Variants in ZNF549 observed in about 807,000 individuals in gnomAD.
ZNF549 encodes zinc finger protein 549.
A neutral mutation model predicts 11.1 loss-of-function variants in ZNF549; 11 were observed. The ratio of observed to expected loss-of-function variants is 0.99; its 90% CI spans 0.62 to 1.64. The LOEUF (loss-of-function observed/expected upper bound fraction) is 1.64. Ranked by LOEUF, ZNF549 falls within the 40% of genes most tolerant of loss-of-function variation. The pLI is 0.00. For missense variants in ZNF549, 748 were observed against 765.1 expected, an observed-to-expected ratio of 0.98 and a Z score of 0.26; for synonymous variants, 266 against 269.1, an observed-to-expected ratio of 0.99 and a Z score of 0.11.
chr19:57,535,532 C>T (rs2089920835), intron 3 of ZNF549: 2 of 463,000 alleles, frequency 4.3e-6, no homozygotes, highest in Non-Finnish European at 7.7e-6. Flanking sequence ...TTTGCCACTC[C>T]TTGCTAAGGT....
At chr19:57,535,342 G>A (rs1317253252) in intron 3 of ZNF549, 72 bp downstream of exon 3, 1 of 1,534,528 alleles carries the variant, frequency 6.5e-7, no homozygotes, top group Non-Finnish European at 8.8e-7. Flanking sequence ...GGAGTTTCCT[G>A]TCTTTCCCAG....
At chr19:57,531,820 A>G (rs2089905439) in intron 2 of ZNF549, among the ~76,000 whole-genome samples, 1 of 152,228 alleles carries the variant, frequency 6.6e-6, no homozygotes, top group Non-Finnish European at 1.5e-5. Flanking sequence ...TTATCACACT[A>G]CTCAGAGAAG....
At chr19:57,528,839 A>T (rs1026492704) in intron 1 of ZNF549, among the ~76,000 whole-genome samples, 1 of 152,242 alleles carries the variant, frequency 6.6e-6, no homozygotes, top group African/African-American at 2.4e-5. Flanking sequence ...TTAACCGAAT[A>T]AAATGTCACT....
chr19:57,528,502 A>T (rs566777272), intron 1 of ZNF549, among the ~76,000 whole-genome samples: 1 of 152,276 alleles, frequency 6.6e-6, no homozygotes, highest in South Asian at 2.1e-4. Flanking sequence ...TTACTTTGAG[A>T]TGAAGAGAGG....
At chr19:57,527,661 C>T (rs1308879777) in intron 1 of ZNF549, 55 bp downstream of exon 1, 43 of 1,595,324 alleles carry the variant, frequency 2.7e-5, no homozygotes, top group Non-Finnish European at 3.3e-5. Context: ...GGACTGGGGT[C>T]ACCTGCGTGG....
At position 57,537,951 on chromosome 19, in the gene ZNF549, A is replaced by C. The variant is rs1286360655; in HGVS notation, c.947A>C (p.Lys316Thr). ...GAATGTGGGAAATCCTTGAGCTCCAAATACTCACTTGTGGAACACCAGAGA... is the reference window on the plus strand; with the variant it reads ...GAATGTGGGAAATCCTTGAGCTCCACATACTCACTTGTGGAACACCAGAGA... ...CIECGKSLSS[K>T]YSLVEHQRTH... Residue 316 changes from lysine to threonine, a missense_variant, in exon 4 of 4, where the codon AAA becomes ACA. Coordinates refer to ENST00000376233, the MANE Select transcript of ZNF549 (RefSeq NM_001199295.2). 5.6e-6 allele frequency: 9 copies of C among 1,613,998 alleles called. No individual in the cohort carries two copies. Among genetic ancestry groups the C allele is most frequent in the Non-Finnish European group, 5.9e-6 (7 of 1,180,010 alleles).
chr19:57,528,132 A>T (rs2089887435), intron 1 of ZNF549, among the ~76,000 whole-genome samples: 1 of 152,098 alleles, frequency 6.6e-6, no homozygotes, highest in Non-Finnish European at 1.5e-5. Flanking sequence ...TGCTGAAGGG[A>T]CCTAAGTAAT....
At chr19:57,533,205 C>A (rs370853772) in intron 2 of ZNF549, among the ~76,000 whole-genome samples, 1 of 152,114 alleles carries the variant, frequency 6.6e-6, no homozygotes, top group African/African-American at 2.4e-5. Context: ...GGTGTGTCAG[C>A]GGGCAGGGGA....
At chr19:57,534,512 G>A (rs1208091230) in intron 2 of ZNF549, among the ~76,000 whole-genome samples, 1 of 152,158 alleles carries the variant, frequency 6.6e-6, no homozygotes, top group African/African-American at 2.4e-5. Context: ...GCCAAGCTTT[G>A]ACTGAGTATA....
In ZNF549 at chr19:57,537,411, C is replaced by T; in HGVS notation, c.407C>T (p.Ala136Val). ...TGGCAGAAACCTTATACGTCTGTGGCCAGTGGGAAATGGTTTTCATTTGGT... is the reference window on the plus strand; with the variant it reads ...TGGCAGAAACCTTATACGTCTGTGGTCAGTGGGAAATGGTTTTCATTTGGT... ...LPWQKPYTSV[A>V]SGKWFSFGSN... is the part of the protein sequence containing the mutation. Residue 136 changes from alanine to valine, a missense_variant, in exon 4 of 4, where the codon GCC (alanine) becomes GTC (valine). Ala to Val is a moderately conservative substitution (Grantham distance 64). Coordinates refer to ENST00000376233, the MANE Select transcript of ZNF549 (RefSeq NM_001199295.2). 6.2e-7 allele frequency: 1 copy of T among 1,614,138 alleles called. No homozygotes were observed. Among genetic ancestry groups the T allele is most frequent in the East Asian group, 2.2e-5 (1 of 44,882 alleles).
At position 57,527,479 on chromosome 19, in the gene ZNF549, C is replaced by G; in HGVS notation, c.-95C>G. On this transcript the variant is annotated 5_prime_UTR_variant, in exon 1 of 4. Coordinates refer to ENST00000376233, the MANE Select transcript of ZNF549 (RefSeq NM_001199295.2). ...GCCCGCAGAGGAGCTTGCCTGGTCT[C>G]GGTCTGAGCGTCGCCCAGCGATTTG... 1 of 1,547,558 alleles carries G rather than the reference C, an allele frequency of 6.5e-7. No homozygotes were observed. Among genetic ancestry groups the G allele is most frequent in the Non-Finnish European group, 8.8e-7 (1 of 1,132,124 alleles).
chr19:57,527,651 G>T (rs1172061657), intron 1 of ZNF549, 45 bp downstream of exon 1: 1 of 1,604,248 alleles, frequency 6.2e-7, no homozygotes, highest in Non-Finnish European at 8.5e-7. Flanking sequence ...CTGAGGCCCC[G>T]GACTGGGGTC....
chr19:57,528,782 G>A (rs2089890893), intron 1 of ZNF549, among the ~76,000 whole-genome samples: 1 of 152,172 alleles, frequency 6.6e-6, no homozygotes, highest in African/African-American at 2.4e-5. Context: ...GAAAATACAA[G>A]TTTAGACTGT....
In ZNF549 at chr19:57,537,361, CAGTG is replaced by C. The variant is rs2123316766; in HGVS notation, c.360_363del (p.Glu121IlefsTer49). 1 of 1,614,196 alleles carries C rather than the reference CAGTG, an allele frequency of 6.2e-7. No individual in the cohort carries two copies. The highest frequency in any genetic ancestry group is 8.5e-7 in the Non-Finnish European group (1 of 1,180,042). ...TGGTCATGAAAGACATTTTGTACCT[CAGTG>C]AGCATCAGGGGACACTTCCCTGGCA... On this transcript the variant is annotated frameshift_variant, in exon 4 of 4. Transcript: ENST00000376233. LOFTEE classifies it low-confidence loss of function (END_TRUNC).
In ZNF549 at chr19:57,527,423, C is replaced by T; in HGVS notation, c.-151C>T. The T allele has an allele frequency of 8.7e-7, 1 of 1,147,856 alleles. No homozygotes were observed. The highest frequency in any genetic ancestry group is 1.3e-6 in the Non-Finnish European group (1 of 794,352). 71.1% of individuals were successfully genotyped at this position (1,147,856 alleles called of 1,614,324 possible). On this transcript the variant is annotated 5_prime_UTR_variant, in exon 1 of 4. Transcript: ENST00000376233. ...GGCTCGCTGGGTCCGGGCCAGGTAA[C>T]TGGAGCCGGAAACCGGTGGAGGTGG...
intron 2 of ZNF549, 131 bp downstream of exon 2, chr19:57,531,239 G>A: frequency 1.2e-6 from 1 of 852,730 alleles, no homozygotes; most frequent in South Asian, 1.6e-5. Flanking sequence ...GCCACCTCAG[G>A]CCCAGGATGA....
At chr19:57,534,602 C>G (rs1412580243) in intron 2 of ZNF549, among the ~76,000 whole-genome samples, 1 of 152,154 alleles carries the variant, frequency 6.6e-6, no homozygotes, top group African/African-American at 2.4e-5. Context: ...GCAGCCTGAG[C>G]TCACACAAGG....
chr19:57,530,006 T>C (rs902255949), intron 1 of ZNF549, among the ~76,000 whole-genome samples: 3 of 152,238 alleles, frequency 2.0e-5, no homozygotes, highest in African/African-American at 7.2e-5. Context: ...AAGTTGAAAT[T>C]TAATACTTAT....
chr19:57,527,387 TG>T lies in ZNF549; in HGVS notation c.-184del. On this transcript the variant is annotated 5_prime_UTR_variant, in exon 1 of 4. Transcript: ENST00000376233. ...GCTGCCTGCGAGCGCGTCCGCGGGC[TG>T]GGCGTTTCCGGCTCGCTGGGTCCGG... 1 of 781,504 alleles carries T rather than the reference TG, an allele frequency of 1.3e-6. No individual in the cohort carries two copies. Among genetic ancestry groups the T allele is most frequent in the Non-Finnish European group, 2.1e-6 (1 of 478,274 alleles). 48.4% of individuals were successfully genotyped at this position (781,504 alleles called of 1,614,324 possible).
Sources: gnomAD v4.1 joint callset for allele counts (sites outside exome capture counted in the v4.1 genomes callset) on GRCh38, gnomAD v4.1.1 for gene constraint, MANE v1.5 for transcripts, NCBI Gene and HGNC (gene_info 2026-07-23, HGNC 2026-07-21) for gene names.